ADGRB2: variants seen among roughly 807,000 people sequenced by gnomAD.
The protein encoded by ADGRB2 is brain-specific angiogenesis inhibitor 2.
ADGRB2 carries 47 observed loss-of-function variants against 178.7 expected under a neutral mutation model. The observed-to-expected ratio is 0.26, with a 90% CI of 0.21 to 0.34. The LOEUF (loss-of-function observed/expected upper bound fraction) is 0.34, where lower values mean the gene tolerates loss of function less well. ADGRB2 is among the 10% of genes least tolerant of loss of function. The probability of loss-of-function intolerance (pLI) is 1.00; values close to 1 mark genes in which losing one functional copy is unlikely to be tolerated. For missense variants in ADGRB2, 1,584 were observed against 2,180.8 expected (o/e 0.73, Z 5.45); for synonymous variants, 870 against 912.4 (o/e 0.95, Z 0.84).
At position 31,728,567 on chromosome 1, in the gene ADGRB2, T is replaced by A; in HGVS notation, c.4416+31A>T. On this transcript the variant is annotated intron_variant, in intron 30 of 32. Coordinates refer to ENST00000373658, the MANE Select transcript of ADGRB2 (RefSeq NM_001364857.2). This position sits in a 1 kb window ranked among gnomAD's most constrained non-coding sequence, Gnocchi z 6.7. ...CAGGGACAGACACCACAGCCAGATG[T>A]CCCACCGCCCAGCACACACATGGCC... The A allele has an allele frequency of 6.2e-7, 1 of 1,613,870 alleles. No individual in the cohort carries two copies. The highest frequency in any genetic ancestry group is 8.5e-7 in the Non-Finnish European group (1 of 1,179,848).
intron 4 of ADGRB2, among the ~76,000 whole-genome samples, chr1:31,745,604 C>T (rs535678484): frequency 6.6e-6 from 1 of 152,310 alleles, no homozygotes; most frequent in Admixed American, 6.5e-5. Context: ...CAGACATGGG[C>T]ACAGAAGGGA....
intron 4 of ADGRB2, among the ~76,000 whole-genome samples, chr1:31,746,424 G>A (rs1569966228): frequency 1.3e-5 from 2 of 151,954 alleles, no homozygotes; most frequent in Admixed American, 1.3e-4. Flanking sequence ...CCAGCTCCTC[G>A]ATCCCCTCCC....
In ADGRB2 at chr1:31,754,569, G is replaced by A. The variant is rs573506801; in HGVS notation, c.838+1430C>T. Among the ~76,000 whole-genome samples, 4 of 152,330 alleles carry A rather than the reference G, an allele frequency of 2.6e-5. No individual in the cohort carries two copies. Among genetic ancestry groups the A allele is most frequent in the Admixed American group, 6.5e-5 (1 of 15,312 alleles). ...CCTCCAGGGCCTGTAACCTACCCGC[G>A]GCCCGGCTGTCACTCGGACGGCTTC... On this transcript the variant is annotated intron_variant, in intron 4 of 32. Coordinates refer to ENST00000373658, the MANE Select transcript of ADGRB2 (RefSeq NM_001364857.2). This position sits in a 1 kb window ranked among gnomAD's most constrained non-coding sequence, Gnocchi z 5.7.
At position 31,739,670 on chromosome 1, in the gene ADGRB2, AG is replaced by A. The variant is rs1431354029; in HGVS notation, c.2168-36del. The A allele has an allele frequency of 6.5e-6, 10 of 1,543,614 alleles. No homozygotes were observed. In the African/African-American group the frequency reaches 1.1e-4, roughly 17 times the overall value. ...GAGGAGGGTGGACAGAGACAGACAG[AG>A]GGGCAGAAACAAAGGGTGGCAGACC... On this transcript the variant is annotated intron_variant, in intron 14 of 32. Coordinates refer to ENST00000373658, the MANE Select transcript of ADGRB2 (RefSeq NM_001364857.2).
chr1:31,756,257 T>C lies in ADGRB2; in HGVS notation c.580A>G (p.Ser194Gly). 1 of 1,613,372 alleles carries C rather than the reference T, an allele frequency of 6.2e-7. No individual in the cohort carries two copies. The highest frequency in any genetic ancestry group is 2.2e-5 in the East Asian group (1 of 44,870). Reference protein sequence around the residue: ...EVLLINNNNSSQFTCGVLCRW... With the variant: ...EVLLINNNNSGQFTCGVLCRW... ...CAGAGCACACCACAGGTGAATTGGC[T>C]AGAGTTGTTGTTGTTGATGAGCAAG... Residue 194 changes from serine to glycine, a missense_variant, in exon 4 of 33, where the codon AGC becomes GGC. Physicochemically the swap from Ser to Gly is moderately conservative, Grantham distance 56 (BLOSUM62 0). This residue lies in a region of ADGRB2 where 657 missense variants were observed against 847.6 expected (regional missense o/e 0.78). Transcript: ENST00000373658. The surrounding 1 kb of genome is among the most constrained non-coding windows in gnomAD (Gnocchi z 8.5).
rs866218072 is a variant in ADGRB2, at chr1:31,744,624, G to A, written c.922+24C>T. The A allele has an allele frequency of 2.5e-6, 4 of 1,612,480 alleles. No individual in the cohort carries two copies. The highest frequency in any genetic ancestry group is 1.3e-5 in the African/African-American group (1 of 74,896). On this transcript the variant is annotated intron_variant, in intron 5 of 32. Transcript: ENST00000373658. This position sits in a 1 kb window ranked among gnomAD's most constrained non-coding sequence, Gnocchi z 6.7. Reference sequence around the variant, plus strand: ...CACACAGTCGGGCCCCCGCCGCAGAGGAAGGGAGGCGGGCCCGAGTTACCT... The same window carrying A: ...CACACAGTCGGGCCCCCGCCGCAGAAGAAGGGAGGCGGGCCCGAGTTACCT...
rs539202285 is a variant in ADGRB2 at position 31,735,476 on chromosome 1, G to A, written c.3353+104C>T. 3.3e-5 allele frequency: 47 copies of A among 1,433,640 alleles called. No homozygotes were observed. The Admixed American group carries it at 5.0e-4, about 15-fold the overall frequency. The allele number at this position is 1,433,640 out of a possible 1,614,324, so 88.8% of individuals were successfully genotyped here. A position where few individuals can be genotyped will look rare whatever the true frequency, so the allele number is the denominator to read the frequency against. On this transcript the variant is annotated intron_variant, in intron 24 of 32. Coordinates refer to ENST00000373658, the MANE Select transcript of ADGRB2 (RefSeq NM_001364857.2). This position sits in a 1 kb window ranked among gnomAD's most constrained non-coding sequence, Gnocchi z 6.0. ...GCAACCTTGATGCACCAAGGTTGGGGAGCCCCGGTCGCATCATCGAGCCCT... is the reference window on the plus strand; with the variant it reads ...GCAACCTTGATGCACCAAGGTTGGGAAGCCCCGGTCGCATCATCGAGCCCT...
At position 31,728,803 on chromosome 1, in the gene ADGRB2, AACACAC is replaced by A. The variant is rs71006321; in HGVS notation, c.4381-176_4381-171del. Among the ~76,000 whole-genome samples, 1,220 of 115,522 alleles carry A rather than the reference AACACAC, an allele frequency of 0.011. 11 individuals are homozygous for A. The highest frequency in any genetic ancestry group is 0.018 in the African/African-American group (577 of 32,198). 75.8% of individuals were successfully genotyped at this position (115,522 alleles called of 152,430 possible). A position where few individuals can be genotyped will look rare whatever the true frequency, so the allele number is the denominator to read the frequency against. ...TGGGGCAGCTTTTCAGGCCTCACTGAACACACACACACACACACACACACACACACA... is the reference window on the plus strand; with the variant it reads ...TGGGGCAGCTTTTCAGGCCTCACTGAACACACACACACACACACACACACA... On this transcript the variant is annotated intron_variant, in intron 29 of 32. Coordinates refer to ENST00000373658, the MANE Select transcript of ADGRB2 (RefSeq NM_001364857.2). The surrounding 1 kb of genome is among the most constrained non-coding windows in gnomAD (Gnocchi z 6.7).
chr1:31,737,836 G>C lies in ADGRB2; in HGVS notation c.2773-81C>G, dbSNP rs1645707387. 5 of 1,288,972 alleles carry C rather than the reference G, an allele frequency of 3.9e-6. No homozygotes were observed. The Admixed American group carries it at 9.3e-5, about 24-fold the overall frequency. 79.8% of individuals were successfully genotyped at this position (1,288,972 alleles called of 1,614,324 possible). On this transcript the variant is annotated intron_variant, in intron 18 of 32. Transcript: ENST00000373658. ...GTGCCCTGTCCCCTCATCTACCATAGACTGGCATACCCACAGGCAGAAGGG... is the reference window on the plus strand; with the variant it reads ...GTGCCCTGTCCCCTCATCTACCATACACTGGCATACCCACAGGCAGAAGGG...
In ADGRB2 at chr1:31,735,996, G is replaced by A; in HGVS notation, c.3201-103C>T. ...CCAGGCTGCCATGCCCGCATCACCA[G>A]TGCAGTCTGAGCCCCAGACGGTGAG... is the stretch of plus-strand genomic sequence containing the variant. On this transcript the variant is annotated intron_variant, in intron 22 of 32. Coordinates refer to ENST00000373658, the MANE Select transcript of ADGRB2 (RefSeq NM_001364857.2). This position sits in a 1 kb window ranked among gnomAD's most constrained non-coding sequence, Gnocchi z 6.0. 6.4e-6 allele frequency: 8 copies of A among 1,242,668 alleles called. No homozygotes were observed. Among genetic ancestry groups the A allele is most frequent in the Non-Finnish European group, 8.9e-6 (8 of 898,678 alleles). The allele number at this position is 1,242,668 out of a possible 1,614,324, so 77.0% of individuals were successfully genotyped here.
intron 20 of ADGRB2, 43 bp from the exon 21 acceptor site, chr1:31,736,766 C>A (rs1311361709): frequency 2.5e-6 from 4 of 1,594,424 alleles, no homozygotes; most frequent in South Asian, 1.1e-5. Context: ...TGAGCAGCCG[C>A]CAGGGCAGGA....
intron 15 of ADGRB2, 178 bp downstream of exon 15, chr1:31,739,130 C>A: frequency 1.1e-6 from 1 of 888,106 alleles, no homozygotes; most frequent in Non-Finnish European, 1.7e-6. Flanking sequence ...GCAGCCCAGC[C>A]TCTGAGAGCA....
intron 4 of ADGRB2, among the ~76,000 whole-genome samples, chr1:31,748,737 G>A (rs557293543): frequency 6.6e-6 from 1 of 152,386 alleles, no homozygotes; most frequent in East Asian, 1.9e-4. Context: ...GGCACAAACA[G>A]ATGTGCTGCC....
At position 31,735,131 on chromosome 1, in the gene ADGRB2, C is replaced by A; in HGVS notation, c.3452+52G>T. ...CCCCCCACCATGGGCACTGCCCCCC[C>A]CAATTCCTTTGCCCCACCCACCCCC... On this transcript the variant is annotated intron_variant, in intron 25 of 32. Coordinates refer to ENST00000373658, the MANE Select transcript of ADGRB2 (RefSeq NM_001364857.2). The surrounding 1 kb of genome is among the most constrained non-coding windows in gnomAD (Gnocchi z 6.0). 8 of 1,193,098 alleles carry A rather than the reference C, an allele frequency of 6.7e-6. No homozygotes were observed. Among genetic ancestry groups the A allele is most frequent in the South Asian group, 1.7e-5 (1 of 57,736 alleles). 73.9% of individuals were successfully genotyped at this position (1,193,098 alleles called of 1,614,324 possible). A position where few individuals can be genotyped will look rare whatever the true frequency, so the allele number is the denominator to read the frequency against.
rs934256278 is a variant in ADGRB2, at chr1:31,740,671, C to T, written c.1795-130G>A. 37 of 929,056 alleles carry T rather than the reference C, an allele frequency of 4.0e-5. 1 individual carries two copies. The highest frequency in any genetic ancestry group is 5.5e-5 in the Non-Finnish European group (35 of 638,412). 57.6% of individuals were successfully genotyped at this position (929,056 alleles called of 1,614,324 possible). Reference sequence around the variant, plus strand: ...AAAGGGGGAAAAGGTCAGAGAGGCTCAAAGGGGCACACAGGGGAGACAGAG... The same window carrying T: ...AAAGGGGGAAAAGGTCAGAGAGGCTTAAAGGGGCACACAGGGGAGACAGAG... On this transcript the variant is annotated intron_variant, in intron 11 of 32. Transcript: ENST00000373658. This position sits in a 1 kb window ranked among gnomAD's most constrained non-coding sequence, Gnocchi z 5.9.
rs764472122 is a variant in ADGRB2, at chr1:31,735,964, A to G, written c.3201-71T>C. The G allele has an allele frequency of 3.1e-5, 45 of 1,444,942 alleles. No individual in the cohort carries two copies. The highest frequency in any genetic ancestry group is 1.1e-4 in the Admixed American group (5 of 47,124). 89.5% of individuals were successfully genotyped at this position (1,444,942 alleles called of 1,614,324 possible). A position where few individuals can be genotyped will look rare whatever the true frequency, so the allele number is the denominator to read the frequency against. On this transcript the variant is annotated intron_variant, in intron 22 of 32. Transcript: ENST00000373658. The surrounding 1 kb of genome is among the most constrained non-coding windows in gnomAD (Gnocchi z 6.0). ...TCCCCACCCTCAAACACCATCCCTCAGTCCTCCCAGGCTGCCATGCCCGCA... is the reference window on the plus strand; with the variant it reads ...TCCCCACCCTCAAACACCATCCCTCGGTCCTCCCAGGCTGCCATGCCCGCA...
rs1478036914 is a variant in ADGRB2, at chr1:31,753,653, G to T, written c.838+2346C>A. On this transcript the variant is annotated intron_variant, in intron 4 of 32. Transcript: ENST00000373658. This position sits in a 1 kb window ranked among gnomAD's most constrained non-coding sequence, Gnocchi z 4.1. ...TGCCAGTCCATTCTCCTGCAGCCCA[G>T]TGGGGAGGAGACAAGGGGAGGAATG... is the stretch of plus-strand genomic sequence containing the variant. Among the ~76,000 whole-genome samples, 1 of 152,238 alleles carries T rather than the reference G, an allele frequency of 6.6e-6. No individual in the cohort carries two copies. Among genetic ancestry groups the T allele is most frequent in the South Asian group, 2.1e-4 (1 of 4,832 alleles).
Position 31,740,638 on chromosome 1 carries a change from G to A in ADGRB2, c.1795-97C>T, listed in dbSNP as rs371676325. 73 of 1,330,186 alleles carry A rather than the reference G, an allele frequency of 5.5e-5. No homozygotes were observed. The East Asian group carries it at 6.6e-4, about 12-fold the overall frequency. 82.4% of individuals were successfully genotyped at this position (1,330,186 alleles called of 1,614,324 possible). ...CAGTCCACCCACTGCTTGCATCCAC[G>A]GGGAGAGAAAGGGGGAAAAGGTCAG... On this transcript the variant is annotated intron_variant, in intron 11 of 32. Coordinates refer to ENST00000373658, the MANE Select transcript of ADGRB2 (RefSeq NM_001364857.2). This position sits in a 1 kb window ranked among gnomAD's most constrained non-coding sequence, Gnocchi z 5.9.
Position 31,754,396 on chromosome 1 carries a change from G to A in ADGRB2, c.838+1603C>T, listed in dbSNP as rs538416564. Among the ~76,000 whole-genome samples the A allele has an allele frequency of 5.2e-5, 8 of 152,400 alleles. No individual in the cohort carries two copies. The highest frequency in any genetic ancestry group is 1.9e-4 in the East Asian group (1 of 5,186). Reference sequence around the variant, plus strand: ...AAAGAACCCGCCTGCAGCTGAGCACGATGGGGGAGACCCCCACAGAGTGAC... The same window carrying A: ...AAAGAACCCGCCTGCAGCTGAGCACAATGGGGGAGACCCCCACAGAGTGAC... On this transcript the variant is annotated intron_variant, in intron 4 of 32. Transcript: ENST00000373658. This position sits in a 1 kb window ranked among gnomAD's most constrained non-coding sequence, Gnocchi z 5.7.
Sources: allele counts gnomAD v4.1 joint callset (sites outside exome capture counted in the v4.1 genomes callset), GRCh38; gene constraint gnomAD v4.1.1; regional missense constraint gnomAD v4.1.1; non-coding constraint Gnocchi (gnomAD v3.1); transcripts MANE v1.5; gene names NCBI Gene and HGNC (gene_info 2026-07-23, HGNC 2026-07-21).